The following SCTR variants were observed in gnomAD, a reference collection of about 807,000 sequenced individuals.
SCTR encodes the protein pancreatic secretin receptor.
A neutral mutation model predicts 60.8 loss-of-function variants in SCTR; 56 were observed. That is an observed-to-expected ratio of 0.92 (90% confidence interval 0.74 to 1.15). SCTR has a LOEUF of 1.15. Among genes scored for constraint, SCTR ranks in the 50% most tolerant of loss-of-function variants. SCTR has a pLI of 0.00. For synonymous variants in SCTR, 202 were observed against 217.0 expected (o/e 0.93, Z 0.61); for missense variants, 562 against 550.4 (o/e 1.02, Z -0.21).
chr2:119,466,520 G>A (rs957640370), intron 4 of SCTR, among the ~76,000 whole-genome samples: 1 of 152,146 alleles, frequency 6.6e-6, no homozygotes, highest in Non-Finnish European at 1.5e-5. Context: ...GGGAGTCTAA[G>A]GAGGAAGGAT....
At chr2:119,453,408 T>C in intron 7 of SCTR, 61 bp from the exon 8 acceptor site, 1 of 1,317,498 alleles carries the variant, frequency 7.6e-7, no homozygotes, top group Non-Finnish European at 1.1e-6. Context: ...AACACACATA[T>C]CAGAACAGGA....
At chr2:119,493,020 C>A (rs575423051) in intron 2 of SCTR, among the ~76,000 whole-genome samples, 5 of 151,966 alleles carry the variant, frequency 3.3e-5, no homozygotes, top group Non-Finnish European at 7.4e-5. Flanking sequence ...ACCATGCTGG[C>A]TAATTTTTGT....
intron 1 of SCTR, among the ~76,000 whole-genome samples, chr2:119,519,279 T>A (rs376060044): frequency 2.0e-5 from 3 of 152,214 alleles, no homozygotes; most frequent in South Asian, 2.1e-4. Flanking sequence ...TCCGCCTAAG[T>A]GGACTCCCCT....
At chr2:119,523,365 A>G (rs1436034794) in intron 1 of SCTR, among the ~76,000 whole-genome samples, 1 of 150,738 alleles carries the variant, frequency 6.6e-6, no homozygotes, top group Non-Finnish European at 1.5e-5. Context: ...TTCTGTTGGA[A>G]AGAAAAACAA....
chr2:119,512,129 T>C lies in SCTR; in HGVS notation c.72+12026A>G, dbSNP rs190066604. Among the ~76,000 whole-genome samples, 279 of 152,334 alleles carry C rather than the reference T, an allele frequency of 1.8e-3. 3 individuals are homozygous for C. Among genetic ancestry groups the C allele is most frequent in the African/African-American group, 6.2e-3 (257 of 41,578 alleles). On this transcript the variant is annotated intron_variant, in intron 1 of 12. Transcript: ENST00000019103. Reference sequence around the variant, plus strand: ...TCAATCTGAAGACTTGTGTTCTTCATTTCTGGGAATTTAAAAAATATTATG... The same window carrying C: ...TCAATCTGAAGACTTGTGTTCTTCACTTCTGGGAATTTAAAAAATATTATG...
rs574666029 is a variant in SCTR, at chr2:119,483,814, A to G, written c.194-4896T>C. The stretch of plus-strand genomic sequence containing the variant: ...GCACAGGAGGTGCGTGGCTCTAGCC[A>G]GGCTGGAGGGAATGTGGCTTGGGGG... On this transcript the variant is annotated intron_variant, in intron 2 of 12. Transcript: ENST00000019103. Among the ~76,000 whole-genome samples the G allele has an allele frequency of 5.3e-5, 8 of 152,318 alleles. No individual in the cohort carries two copies. In the East Asian group the frequency reaches 1.5e-3, roughly 29 times the overall value.
chr2:119,446,742 C>T lies in SCTR; in HGVS notation c.1140+17G>A, dbSNP rs1682943398. 6.7e-7 allele frequency: 1 copy of T among 1,494,352 alleles called. No homozygotes were observed. The highest frequency in any genetic ancestry group is 2.1e-5 in the Admixed American group (1 of 47,776). The allele number at this position is 1,494,352 out of a possible 1,614,324, so 92.6% of individuals were successfully genotyped here. A position where few individuals can be genotyped will look rare whatever the true frequency, so the allele number is the denominator to read the frequency against. The stretch of plus-strand genomic sequence containing the variant: ...AACTCCTCTTTTCAGCTGGCAGCCC[C>T]AGTCCTGGAAACTTACCTGGAATGA... On this transcript the variant is annotated intron_variant, in intron 11 of 12. Coordinates refer to ENST00000019103, the MANE Select transcript of SCTR (RefSeq NM_002980.3).
At chr2:119,504,947 G>A (rs1172765323) in intron 1 of SCTR, among the ~76,000 whole-genome samples, 3 of 152,108 alleles carry the variant, frequency 2.0e-5, no homozygotes, top group Non-Finnish European at 4.4e-5. Context: ...TATACAGATG[G>A]CACAGAGAAA....
At chr2:119,517,094 A>C (rs1043837438) in intron 1 of SCTR, among the ~76,000 whole-genome samples, 2 of 152,260 alleles carry the variant, frequency 1.3e-5, no homozygotes, top group East Asian at 3.9e-4. Context: ...GAAGAAACAT[A>C]TGTTAATTTG....
chr2:119,460,930 C>A (rs1683578976), intron 7 of SCTR, among the ~76,000 whole-genome samples: 1 of 152,158 alleles, frequency 6.6e-6, no homozygotes, highest in Non-Finnish European at 1.5e-5. Context: ...GAGTGCACCT[C>A]AGAATATTTG....
chr2:119,453,668 G>T (rs1683261176), intron 7 of SCTR, among the ~76,000 whole-genome samples: 1 of 152,232 alleles, frequency 6.6e-6, no homozygotes. Flanking sequence ...TCCTGGGCAG[G>T]CTCGTGGACA....
At chr2:119,446,073 T>G (rs1332845195) in intron 11 of SCTR, among the ~76,000 whole-genome samples, 1 of 152,250 alleles carries the variant, frequency 6.6e-6, no homozygotes, top group African/African-American at 2.4e-5. Context: ...GTTGTTGTTT[T>G]TAAGTTCACA....
chr2:119,498,827 T>G (rs1162986051), intron 1 of SCTR, among the ~76,000 whole-genome samples: 2 of 151,806 alleles, frequency 1.3e-5, no homozygotes, highest in African/African-American at 4.8e-5. Flanking sequence ...AATAAAAATC[T>G]TAGAGAACAA....
chr2:119,517,510 G>A (rs1679152490), intron 1 of SCTR, among the ~76,000 whole-genome samples: 1 of 152,192 alleles, frequency 6.6e-6, no homozygotes, highest in African/African-American at 2.4e-5. Flanking sequence ...CAGTGAATGT[G>A]GCAAATCGAA....
Position 119,465,839 on chromosome 2 carries a change from G to A in SCTR, c.453C>T (p.Ser151=), listed in dbSNP as rs909140045. 5 of 1,614,064 alleles carry A rather than the reference G, an allele frequency of 3.1e-6. No individual in the cohort carries two copies. The highest frequency in any genetic ancestry group is 2.7e-5 in the African/African-American group (2 of 75,044). The part of the protein sequence containing the change: ...KLKVMYTVGY[S]SSLVMLLVAL... ...CGACCAGGAGCATGACCAGGGAGGA[G>A]CTGTAGCCCACGGTGTACATGACTT... Residue 151 remains serine (S), a synonymous_variant, in exon 5 of 13, where the codon AGC becomes AGT. Transcript: ENST00000019103.
At chr2:119,499,214 T>C (rs571201125) in intron 1 of SCTR, among the ~76,000 whole-genome samples, 43 of 152,122 alleles carry the variant, frequency 2.8e-4, no homozygotes, top group African/African-American at 9.6e-4. Context: ...AATCATGCTG[T>C]AAAATATGTG....
intron 11 of SCTR, among the ~76,000 whole-genome samples, chr2:119,444,357 A>C (rs1037419710): frequency 1.1e-4 from 13 of 121,586 alleles, no homozygotes; most frequent in Middle Eastern, 4.5e-3. Flanking sequence ...ATACGTATGA[A>C]TATATATACA....
chr2:119,476,109 G>A (rs957444834), intron 3 of SCTR, among the ~76,000 whole-genome samples: 1 of 152,122 alleles, frequency 6.6e-6, no homozygotes, highest in African/African-American at 2.4e-5. Flanking sequence ...TTATTTTCCA[G>A]AGCACCTTGT....
chr2:119,451,913 G>T, intron 9 of SCTR, 97 bp downstream of exon 9: 1 of 761,706 alleles, frequency 1.3e-6, no homozygotes. Context: ...CCTGGCACCT[G>T]CAGGGAGCCC....
Sources: gnomAD v4.1 joint callset for allele counts (sites outside exome capture counted in the v4.1 genomes callset) on GRCh38, gnomAD v4.1.1 for gene constraint, MANE v1.5 for transcripts, NCBI Gene and HGNC (gene_info 2026-07-23, HGNC 2026-07-21) for gene names.